MAX: variants seen among roughly 807,000 people sequenced by gnomAD.
The protein encoded by MAX is MYC associated transcriptional regulator X, also known as protein max.
A neutral mutation model predicts 22.3 loss-of-function variants in MAX; 3 were observed. The observed-to-expected ratio is 0.13, with a 90% CI of 0.06 to 0.35. The LOEUF (loss-of-function observed/expected upper bound fraction) is 0.35, where lower values mean the gene tolerates loss of function less well. MAX is among the 10% of genes least tolerant of loss of function. MAX has a pLI of 1.00. For synonymous variants in MAX, 72 were observed against 77.7 expected, an observed-to-expected ratio of 0.93 and a Z score of 0.39; for missense variants, 119 against 209.4, an observed-to-expected ratio of 0.57 and a Z score of 2.66.
rs117575033 is a variant in MAX, at chr14:65,092,023, T to G, written c.171+1685A>C. 3.3e-5 allele frequency among the ~76,000 whole-genome samples: 5 copies of G among 152,288 alleles called. No homozygotes were observed. The East Asian group carries it at 9.7e-4, about 29-fold the overall frequency. On this transcript the variant is annotated intron_variant, in intron 3 of 4. Transcript: ENST00000358664. ...TGTAAGACTACCAAATTCAAACCTT[T>G]AACTTCCTTGAAGAAAGAAAGGAGA...
intron 3 of MAX, among the ~76,000 whole-genome samples, chr14:65,091,128 C>A (rs556702858): frequency 2.6e-5 from 4 of 152,124 alleles, no homozygotes; most frequent in African/African-American, 9.6e-5. Context: ...GTAAAATAAT[C>A]ATTTCATGAT....
chr14:65,050,601 A>G (rs1017746577), intron 3 of MAX, among the ~76,000 whole-genome samples: 1 of 152,212 alleles, frequency 6.6e-6, no homozygotes, highest in Non-Finnish European at 1.5e-5. Context: ...AACAACAACA[A>G]CAAAAAGGTG....
intron 3 of MAX, among the ~76,000 whole-genome samples, chr14:65,068,924 A>AGGG (rs1343257304): frequency 6.6e-6 from 1 of 152,148 alleles, no homozygotes; most frequent in East Asian, 1.9e-4. Context: ...AAAGGAGGCA[A>AGGG]GGGGAGGCTG....
At chr14:65,021,406 G>A (rs111614126) in intron 3 of MAX, among the ~76,000 whole-genome samples, 6 of 152,054 alleles carry the variant, frequency 3.9e-5, no homozygotes, top group African/African-American at 7.2e-5. Context: ...GCTTATCCCC[G>A]GAATAGCCCC....
At position 65,078,553 on chromosome 14, in the gene MAX, G is replaced by C. The variant is rs1248885075; in HGVS notation, c.172-517C>G. ...TTGTTGTTTTTTTTTTTTTGGAGAC[G>C]TAGTCTCGCTCTGTTGCCCAGGCTG... On this transcript the variant is annotated intron_variant, in intron 3 of 4. Coordinates refer to ENST00000358664, the MANE Select transcript of MAX (RefSeq NM_002382.5). This position sits in a 1 kb window ranked among gnomAD's most constrained non-coding sequence, Gnocchi z 6.4. Among the ~76,000 whole-genome samples the C allele has an allele frequency of 6.7e-6, 1 of 148,152 alleles. No homozygotes were observed. The highest frequency in any genetic ancestry group is 1.5e-5 in the Non-Finnish European group (1 of 67,326).
chr14:65,054,147 CTG>C lies in MAX; in HGVS notation c.171+39559_171+39560del, dbSNP rs1475437145. ...TACTTTTTTGAGACAGGGTCTCACT[CTG>C]TCACCCAGGCTGGAGTGCAGTGTCA... On this transcript the variant is annotated intron_variant, in intron 3 of 3. Transcript: ENST00000341653. This position sits in a 1 kb window ranked among gnomAD's most constrained non-coding sequence, Gnocchi z 4.4. Among the ~76,000 whole-genome samples, 1 of 152,032 alleles carries C rather than the reference CTG, an allele frequency of 6.6e-6. No individual in the cohort carries two copies. Among genetic ancestry groups the C allele is most frequent in the Non-Finnish European group, 1.5e-5 (1 of 68,010 alleles).
intron 3 of MAX, among the ~76,000 whole-genome samples, chr14:65,055,995 C>A (rs2062728326): frequency 6.6e-6 from 1 of 152,072 alleles, no homozygotes; most frequent in Non-Finnish European, 1.5e-5. Context: ...GTTTTTTTTC[C>A]TCCCTCCTTC....
intron 3 of MAX, among the ~76,000 whole-genome samples, chr14:65,067,771 A>G (rs2062946172): frequency 6.7e-6 from 1 of 150,274 alleles, no homozygotes; most frequent in South Asian, 2.1e-4. Flanking sequence ...ACAGGCACAC[A>G]CCACCATGTG....
Position 65,078,685 on chromosome 14 carries a change from T to C in MAX, c.172-649A>G, listed in dbSNP as rs940737022. On this transcript the variant is annotated intron_variant, in intron 3 of 4. Coordinates refer to ENST00000358664, the MANE Select transcript of MAX (RefSeq NM_002382.5). The surrounding 1 kb of genome is among the most constrained non-coding windows in gnomAD (Gnocchi z 6.4). ...GCTGGGATTACAAGTACATGCCACG[T>C]TGCCTGGCTAATTTTTACATTTTTA... 1.3e-5 allele frequency among the ~76,000 whole-genome samples: 2 copies of C among 152,036 alleles called. No individual in the cohort carries two copies. Among genetic ancestry groups the C allele is most frequent in the African/African-American group, 4.8e-5 (2 of 41,396 alleles).
intron 3 of MAX, among the ~76,000 whole-genome samples, chr14:65,022,315 C>T (rs2061903901): frequency 6.6e-6 from 1 of 150,980 alleles, no homozygotes; most frequent in Non-Finnish European, 1.5e-5. Flanking sequence ...CCCAATTGTG[C>T]AGAACATAGC....
intron 3 of MAX, among the ~76,000 whole-genome samples, chr14:65,055,793 A>C (rs1005147789): frequency 3.9e-5 from 6 of 152,206 alleles, no homozygotes; most frequent in African/African-American, 1.4e-4. Context: ...CCAGGATTAC[A>C]TGTGTGAGCC....
intron 3 of MAX, among the ~76,000 whole-genome samples, chr14:65,066,602 C>T (rs2062932945): frequency 6.6e-6 from 1 of 152,138 alleles, no homozygotes; most frequent in Non-Finnish European, 1.5e-5. Flanking sequence ...CGCCTGTAAT[C>T]CCAACACTTT....
intron 3 of MAX, among the ~76,000 whole-genome samples, chr14:65,018,481 AGTT>A (rs2061821839): frequency 1.3e-5 from 2 of 152,214 alleles, no homozygotes; most frequent in South Asian, 4.1e-4. Context: ...TACATGTAGT[AGTT>A]ATTTCTGGAC....
chr14:65,083,927 A>G, intron 3 of MAX: 1 of 1,321,066 alleles, frequency 7.6e-7, no homozygotes, highest in Non-Finnish European at 9.7e-7. Flanking sequence ...AATATGCACA[A>G]TAAATTTGGA....
chr14:65,086,536 T>A (rs202225183), intron 3 of MAX, among the ~76,000 whole-genome samples: 2 of 152,210 alleles, frequency 1.3e-5, no homozygotes, highest in East Asian at 3.9e-4. Flanking sequence ...CTGTTACGTT[T>A]CAGCAAAGAG....
intron 2 of MAX, among the ~76,000 whole-genome samples, chr14:65,097,203 T>C (rs1366869903): frequency 6.6e-6 from 1 of 152,256 alleles, no homozygotes; most frequent in African/African-American, 2.4e-5. Flanking sequence ...CAAGCACGTG[T>C]ATCTTAAGTG....
chr14:65,069,127 C>T lies in MAX; in HGVS notation c.171+24581G>A, dbSNP rs899942023. On this transcript the variant is annotated intron_variant, in intron 3 of 3. Coordinates refer to the MAX transcript ENST00000341653. The surrounding 1 kb of genome is among the most constrained non-coding windows in gnomAD (Gnocchi z 4.6). Reference sequence around the variant, plus strand: ...CATCCCCCCAGCCCCTCTCCTCACTCTCTGGAGCAGTGGCTGCCATGTGCC... The same window carrying T: ...CATCCCCCCAGCCCCTCTCCTCACTTTCTGGAGCAGTGGCTGCCATGTGCC... Among the ~76,000 whole-genome samples the T allele has an allele frequency of 1.4e-4, 22 of 152,314 alleles. No homozygotes were observed. The highest frequency in any genetic ancestry group is 3.4e-3 in the Middle Eastern group (1 of 294).
rs2139643018 is a variant in MAX at position 65,044,185 on chromosome 14, A to G, written c.172-37901T>C. ...AAGGAAAGAAAACCAGAGCACCAAA[A>G]CTAGAGTGCCAAGAAGCCACAAGAT... On this transcript the variant is annotated intron_variant, in intron 3 of 3. Coordinates refer to the MAX transcript ENST00000341653. This position sits in a 1 kb window ranked among gnomAD's most constrained non-coding sequence, Gnocchi z 5.5. 1 of 1,531,274 alleles carries G rather than the reference A, an allele frequency of 6.5e-7. No individual in the cohort carries two copies. Among genetic ancestry groups the G allele is most frequent in the East Asian group, 2.3e-5 (1 of 44,100 alleles). 94.9% of individuals were successfully genotyped at this position (1,531,274 alleles called of 1,614,324 possible). A position where few individuals can be genotyped will look rare whatever the true frequency, so the allele number is the denominator to read the frequency against.
In MAX at chr14:65,076,943, T is replaced by C. The variant is rs578098666; in HGVS notation, c.296-280A>G. 18 of 569,210 alleles carry C rather than the reference T, an allele frequency of 3.2e-5. No homozygotes were observed. Among genetic ancestry groups the C allele is most frequent in the Non-Finnish European group, 5.0e-5 (16 of 318,350 alleles). 35.3% of individuals were successfully genotyped at this position (569,210 alleles called of 1,614,324 possible). On this transcript the variant is annotated intron_variant, in intron 4 of 4. Coordinates refer to ENST00000358664, the MANE Select transcript of MAX (RefSeq NM_002382.5). The surrounding 1 kb of genome is among the most constrained non-coding windows in gnomAD (Gnocchi z 6.6). ...TCACCGTCCTGCCGTGGAAGCCCCGTGGAGAGACTGGAGCGTGAGCTCCCT... is the reference window on the plus strand; with the variant it reads ...TCACCGTCCTGCCGTGGAAGCCCCGCGGAGAGACTGGAGCGTGAGCTCCCT...
Sources: allele counts gnomAD v4.1 joint callset (sites outside exome capture counted in the v4.1 genomes callset), GRCh38; gene constraint gnomAD v4.1.1; non-coding constraint Gnocchi (gnomAD v3.1); transcripts MANE v1.5; gene names NCBI Gene and HGNC (gene_info 2026-07-23, HGNC 2026-07-21).